Variants in SLC17A1 observed in about 807,000 individuals in gnomAD.
SLC17A1 encodes the protein solute carrier family 17 member 1.
SLC17A1 carries 51 observed loss-of-function variants against 53.5 expected under a neutral mutation model. The observed-to-expected ratio is 0.95, with a 90% CI of 0.76 to 1.20. SLC17A1 has a LOEUF of 1.20. Among genes scored for constraint, SLC17A1 ranks in the 50% most tolerant of loss-of-function variants. The pLI is 0.00. For missense variants in SLC17A1, 538 were observed against 568.2 expected (o/e 0.95, Z 0.54); for synonymous variants, 179 against 198.8 (o/e 0.90, Z 0.84).
chr6:25,726,624 T>C, the SLC17A1 span: 1 of 1,409,842 alleles, frequency 7.1e-7, no homozygotes, highest in Non-Finnish European at 9.7e-7. Flanking sequence ...TGCTATCTGA[T>C]TGGCTGATGG....
At chr6:25,816,403 C>CA (rs1161757546) in intron 6 of SLC17A1, among the ~76,000 whole-genome samples, 1 of 152,192 alleles carries the variant, frequency 6.6e-6, no homozygotes, top group Non-Finnish European at 1.5e-5. Flanking sequence ...CCAATATAAC[C>CA]AATAGCCTTG....
At chr6:25,794,048 C>T (rs1239443484) in intron 12 of SLC17A1, among the ~76,000 whole-genome samples, 1 of 152,170 alleles carries the variant, frequency 6.6e-6, no homozygotes. Flanking sequence ...GCTGCTTGTT[C>T]CTGTTTATGT....
the SLC17A1 span, among the ~76,000 whole-genome samples, chr6:25,727,889 G>T: frequency 6.6e-6 from 1 of 151,876 alleles, no homozygotes; most frequent in African/African-American, 2.4e-5. Context: ...GTGGTGGCGT[G>T]CACTGTAGTC....
the SLC17A1 span, among the ~76,000 whole-genome samples, chr6:25,769,684 A>T: frequency 3.3e-5 from 5 of 152,158 alleles, no homozygotes; most frequent in Admixed American, 3.3e-4. Context: ...TAAATGAAAC[A>T]TTTTACCATT....
intron 12 of SLC17A1, among the ~76,000 whole-genome samples, chr6:25,797,960 G>A (rs985506771): frequency 2.6e-5 from 4 of 152,086 alleles, no homozygotes; most frequent in Non-Finnish European, 2.9e-5. Context: ...GGATTTTGTC[G>A]AACATATTCT....
At chr6:25,773,787 G>C in the SLC17A1 span, 1 of 1,067,360 alleles carries the variant, frequency 9.4e-7, no homozygotes, top group Non-Finnish European at 1.3e-6. Flanking sequence ...TTAGGACCAG[G>C]CAGGACCTCC....
At chr6:25,727,105 C>T in the SLC17A1 span, 1 of 1,614,136 alleles carries the variant, frequency 6.2e-7, no homozygotes, top group African/African-American at 1.3e-5. Flanking sequence ...ATTATGAATT[C>T]CTTCGTCACT....
the SLC17A1 span, among the ~76,000 whole-genome samples, chr6:25,752,200 CT>C: frequency 1.3e-5 from 2 of 152,204 alleles, no homozygotes; most frequent in Admixed American, 6.5e-5. Context: ...TTACACAAAC[CT>C]AGATGGTAGA....
chr6:25,736,296 C>A, the SLC17A1 span, among the ~76,000 whole-genome samples: 2 of 152,076 alleles, frequency 1.3e-5, no homozygotes, highest in African/African-American at 4.8e-5. Flanking sequence ...ATCTGTCTGA[C>A]AAATTTAAGC....
chr6:25,809,680 T>C (rs1764084043), intron 10 of SLC17A1, among the ~76,000 whole-genome samples: 1 of 152,090 alleles, frequency 6.6e-6, no homozygotes, highest in East Asian at 1.9e-4. Flanking sequence ...GTTGTTAAAA[T>C]GTCTGTACGA....
At chr6:25,803,940 T>C (rs774225794) in intron 10 of SLC17A1, among the ~76,000 whole-genome samples, 6 of 152,160 alleles carry the variant, frequency 3.9e-5, no homozygotes, top group African/African-American at 4.8e-5. Flanking sequence ...GTAAATAATT[T>C]GTTTGATATA....
At chr6:25,831,216 G>A (rs534037641) in intron 1 of SLC17A1, among the ~76,000 whole-genome samples, 36 of 152,224 alleles carry the variant, frequency 2.4e-4, no homozygotes, top group African/African-American at 6.3e-4. Flanking sequence ...AAGCTCAGTG[G>A]AGAATCAGAA....
At chr6:25,769,827 C>T in the SLC17A1 span, among the ~76,000 whole-genome samples, 1 of 151,410 alleles carries the variant, frequency 6.6e-6, no homozygotes, top group Non-Finnish European at 1.5e-5. Flanking sequence ...TCTTTATAGT[C>T]TTTGTTTCTT....
At chr6:25,805,917 CCAGA>C (rs1051719959) in intron 10 of SLC17A1, among the ~76,000 whole-genome samples, 1 of 151,908 alleles carries the variant, frequency 6.6e-6, no homozygotes, top group African/African-American at 2.4e-5. Flanking sequence ...AAGCCCAGGG[CCAGA>C]CAGATTCACA....
At chr6:25,728,565 TGCACTTTGGGAGGCAGAGGAGG>T in the SLC17A1 span, among the ~76,000 whole-genome samples, 1 of 152,268 alleles carries the variant, frequency 6.6e-6, no homozygotes, top group South Asian at 2.1e-4. Context: ...CATGTAATCC[TGCACTTTGGGAGGCAGAGGAGG>T]GCAGATCACG....
the SLC17A1 span, chr6:25,726,837 C>G: frequency 1.3e-6 from 2 of 1,505,452 alleles, no homozygotes; most frequent in Middle Eastern, 1.8e-4. Context: ...TACTGAAGAG[C>G]TGTTGAGCAC....
At chr6:25,821,492 T>C (rs1764560433) in intron 3 of SLC17A1, among the ~76,000 whole-genome samples, 2 of 152,214 alleles carry the variant, frequency 1.3e-5, no homozygotes, top group African/African-American at 2.4e-5. Context: ...TGTTTTGTTT[T>C]GTTTTTCTTG....
chr6:25,726,434 G>GGATC, the SLC17A1 span: 2 of 1,614,094 alleles, frequency 1.2e-6, no homozygotes, highest in Non-Finnish European at 1.7e-6. Context: ...AGCAGACGAT[G>GGATC]GATCCGGCCT....
At chr6:25,777,154 T>C in the SLC17A1 span, 51 of 614,000 alleles carry the variant, frequency 8.3e-5, no homozygotes, top group South Asian at 1.3e-4. Context: ...TTAGTTTTTC[T>C]GGGCGTGAAC....
Sources: allele counts gnomAD v4.1 joint callset (sites outside exome capture counted in the v4.1 genomes callset), GRCh38; gene constraint gnomAD v4.1.1; transcripts MANE v1.5; gene names NCBI Gene and HGNC (gene_info 2026-07-23, HGNC 2026-07-21).